Variants in EIF3H observed in about 807,000 individuals in gnomAD.
EIF3H encodes eIF-3-gamma.
In EIF3H, 26 loss-of-function variants were observed where a neutral mutation model predicts 44.2. The ratio of observed to expected loss-of-function variants is 0.59; its 90% CI spans 0.43 to 0.82. EIF3H has a LOEUF of 0.82. Among genes scored for constraint, EIF3H ranks in the 40% least tolerant of loss-of-function variants. The pLI is 0.00. For synonymous variants in EIF3H, 166 were observed against 151.9 expected (o/e 1.09, Z -0.68); for missense variants, 359 against 432.8 (o/e 0.83, Z 1.51).
intron 2 of EIF3H, among the ~76,000 whole-genome samples, chr8:116,694,429 CT>C (rs1260537069): frequency 6.6e-6 from 1 of 152,140 alleles, no homozygotes; most frequent in Non-Finnish European, 1.5e-5. Flanking sequence ...CATCTTTGGC[CT>C]GCTGTGGCCA....
intron 2 of EIF3H, among the ~76,000 whole-genome samples, chr8:116,712,560 A>C: frequency 6.6e-6 from 1 of 152,240 alleles, no homozygotes; most frequent in East Asian, 1.9e-4. Flanking sequence ...AAATGTACTG[A>C]GTAAAAATTA....
chr8:116,728,828 T>C (rs955175483), intron 1 of EIF3H, among the ~76,000 whole-genome samples: 5 of 152,194 alleles, frequency 3.3e-5, no homozygotes, highest in Admixed American at 2.6e-4. Flanking sequence ...CCTTAGATTC[T>C]AATTTGCAAA....
At chr8:116,746,468 A>G (rs1431838934) in intron 1 of EIF3H, among the ~76,000 whole-genome samples, 1 of 152,242 alleles carries the variant, frequency 6.6e-6, no homozygotes, top group Admixed American at 6.5e-5. Context: ...TACCTGTCAC[A>G]TAACACAGAA....
intron 5 of EIF3H, among the ~76,000 whole-genome samples, chr8:116,653,842 G>GT (rs1183828130): frequency 6.6e-6 from 1 of 152,134 alleles, no homozygotes; most frequent in East Asian, 1.9e-4. Context: ...AGCAAATACA[G>GT]TATGTTTTAG....
At chr8:116,743,799 AACACACACACACACACACACACACACAC>A (rs368555154) in intron 1 of EIF3H, among the ~76,000 whole-genome samples, 3 of 87,064 alleles carry the variant, frequency 3.4e-5, no homozygotes, top group African/African-American at 1.2e-4. Flanking sequence ...TATATATATA[AACACACACACACACACACACACACACAC>A]ACACACACAC....
At chr8:116,655,061 T>C (rs567478472) in intron 5 of EIF3H, among the ~76,000 whole-genome samples, 2 of 152,144 alleles carry the variant, frequency 1.3e-5, no homozygotes, top group South Asian at 2.1e-4. Flanking sequence ...TTTAATTTCA[T>C]TCCACAAGTC....
chr8:116,681,093 T>C (rs1813980880), intron 2 of EIF3H, among the ~76,000 whole-genome samples: 1 of 152,140 alleles, frequency 6.6e-6, no homozygotes, highest in African/African-American at 2.4e-5. Flanking sequence ...CCAGGCGTGG[T>C]GGCTCACACC....
intron 2 of EIF3H, among the ~76,000 whole-genome samples, chr8:116,672,775 G>A (rs896624544): frequency 6.6e-6 from 1 of 152,104 alleles, no homozygotes; most frequent in Non-Finnish European, 1.5e-5. Flanking sequence ...TTCCCTGACA[G>A]AAAATCGGCC....
intron 2 of EIF3H, among the ~76,000 whole-genome samples, chr8:116,699,653 T>TATACTCACGTGGCAA (rs1414500469): frequency 1.3e-5 from 2 of 152,218 alleles, no homozygotes; most frequent in African/African-American, 4.8e-5. Flanking sequence ...CATCATGCAA[T>TATACTCACGTGGCAA]ATACTCACGT....
rs1434664981 is a variant in EIF3H, at chr8:116,643,273, CA to C, written c.*1732del. 3 of 152,122 alleles carry C rather than the reference CA, an allele frequency of 2.0e-5. No homozygotes were observed. The highest frequency in any genetic ancestry group is 4.8e-5 in the African/African-American group (2 of 41,424). 9.4% of individuals were successfully genotyped at this position (152,122 alleles called of 1,614,324 possible). A position where few individuals can be genotyped will look rare whatever the true frequency, so the allele number is the denominator to read the frequency against. On this transcript the variant is annotated 3_prime_UTR_variant, in exon 8 of 8. Transcript: ENST00000521861. The stretch of plus-strand genomic sequence containing the variant: ...AAGGTTATCACTATGGGTAGGAGGG[CA>C]AAACAGCAGAAACTTTTGAAGGCAA...
intron 2 of EIF3H, chr8:116,697,080 A>T: frequency 4.4e-6 from 2 of 456,246 alleles, no homozygotes; most frequent in Non-Finnish European, 8.8e-6. Flanking sequence ...CTCTCCTGAG[A>T]GGCCTCCATC....
chr8:116,765,830 C>G (rs929396607), exon 1 of EIF3H: 1 of 152,204 alleles, frequency 6.6e-6, no homozygotes, highest in Non-Finnish European at 1.5e-5. Flanking sequence ...TCTAGGCAAA[C>G]GAAGCTCTTG....
rs1192896840 is a variant in EIF3H at position 116,645,002 on chromosome 8, T to C, written c.*4A>G. ...TTAACTTCTTTTCTGGAAACTTCCT[T>C]TTCTTAGTTGTTGTATTCTTGAAGA... is the stretch of plus-strand genomic sequence containing the variant. On this transcript the variant is annotated 3_prime_UTR_variant, in exon 8 of 8. Transcript: ENST00000521861. 1 of 1,612,634 alleles carries C rather than the reference T, an allele frequency of 6.2e-7. No homozygotes were observed. Among genetic ancestry groups the C allele is most frequent in the Admixed American group, 1.7e-5 (1 of 59,902 alleles).
At chr8:116,677,595 T>C (rs1305057160) in intron 2 of EIF3H, among the ~76,000 whole-genome samples, 1 of 152,230 alleles carries the variant, frequency 6.6e-6, no homozygotes, top group Non-Finnish European at 1.5e-5. Flanking sequence ...CTAACAATAA[T>C]AGCTTCCATT....
chr8:116,731,903 T>C (rs1814956291), intron 1 of EIF3H, among the ~76,000 whole-genome samples: 1 of 152,224 alleles, frequency 6.6e-6, no homozygotes, highest in Non-Finnish European at 1.5e-5. Flanking sequence ...CTACACCTTC[T>C]GAAACTTTGT....
intron 2 of EIF3H, among the ~76,000 whole-genome samples, chr8:116,695,350 T>C (rs1164359930): frequency 1.3e-5 from 2 of 152,252 alleles, no homozygotes; most frequent in Non-Finnish European, 1.5e-5. Flanking sequence ...AGTGCTGGGA[T>C]TGCAGAGCCA....
chr8:116,751,334 A>T (rs1482697641), intron 1 of EIF3H, among the ~76,000 whole-genome samples: 1 of 152,346 alleles, frequency 6.6e-6, no homozygotes, highest in East Asian at 1.9e-4. Context: ...ATTAGTATAA[A>T]TAATAAAATG....
chr8:116,642,308 A>G lies in EIF3H; in HGVS notation c.*2698T>C, dbSNP rs1027945518. On this transcript the variant is annotated 3_prime_UTR_variant, in exon 8 of 8. Coordinates refer to ENST00000521861, the MANE Select transcript of EIF3H (RefSeq NM_003756.3). ...AGTATGAAGAATGTAATAATATTTT[A>G]GAAGACATTAAAACTTAAATATTTA... The G allele has an allele frequency of 6.6e-6, 1 of 152,208 alleles. No individual in the cohort carries two copies. The highest frequency in any genetic ancestry group is 2.4e-5 in the African/African-American group (1 of 41,474). 9.4% of individuals were successfully genotyped at this position (152,208 alleles called of 1,614,324 possible). A position where few individuals can be genotyped will look rare whatever the true frequency, so the allele number is the denominator to read the frequency against.
chr8:116,744,226 AAAC>A (rs1392490562), intron 1 of EIF3H, among the ~76,000 whole-genome samples: 2 of 151,546 alleles, frequency 1.3e-5, no homozygotes, highest in Non-Finnish European at 2.9e-5. Flanking sequence ...AAAAAAAAAA[AAAC>A]AAACAGTAAG....
Sources: allele counts gnomAD v4.1 joint callset (sites outside exome capture counted in the v4.1 genomes callset), GRCh38; gene constraint gnomAD v4.1.1; transcripts MANE v1.5; gene names NCBI Gene and HGNC (gene_info 2026-07-23, HGNC 2026-07-21).